FBXO7: variants seen among roughly 807,000 people sequenced by gnomAD.
The protein encoded by FBXO7 is F-box protein 7.
A neutral mutation model predicts 50.2 loss-of-function variants in FBXO7; 31 were observed. The ratio of observed to expected loss-of-function variants is 0.62; its 90% confidence interval spans 0.46 to 0.83. FBXO7 has a LOEUF of 0.83. FBXO7 is among the 40% of genes least tolerant of loss of function. The pLI, the probability that FBXO7 is intolerant of heterozygous loss-of-function variation, is 0.00. For missense variants in FBXO7, 667 were observed against 646.6 expected (o/e 1.03, Z -0.34); for synonymous variants, 256 against 253.1 (o/e 1.01, Z -0.11).
intron 2 of FBXO7, 118 bp downstream of exon 2, chr22:32,479,393 A>ATT (rs869156089): frequency 4.6e-6 from 4 of 861,438 alleles, no homozygotes; most frequent in African/African-American, 1.9e-5. Context: ...TTTTATATAT[A>ATT]TTTTTTTCTT....
chr22:32,475,589 T>G (rs1045866029), intron 1 of FBXO7: 1 of 735,470 alleles, frequency 1.4e-6, no homozygotes, highest in Admixed American at 3.8e-5. Flanking sequence ...TGGAAATTGC[T>G]AGAAGTTAAA....
intron 8 of FBXO7, among the ~76,000 whole-genome samples, chr22:32,496,256 G>A (rs1290738094): frequency 1.2e-4 from 18 of 152,244 alleles, no homozygotes; most frequent in Admixed American, 6.5e-4. Context: ...CGAAGTGGGC[G>A]GATCACCTGA....
chr22:32,496,019 G>C (rs779532571), intron 8 of FBXO7, among the ~76,000 whole-genome samples: 1 of 152,230 alleles, frequency 6.6e-6, no homozygotes, highest in Non-Finnish European at 1.5e-5. Context: ...GTGTAGGTGA[G>C]ACAGCTTTCT....
chr22:32,484,168 A>G (rs774173729), intron 3 of FBXO7, 44 bp downstream of exon 3: 1 of 1,528,358 alleles, frequency 6.5e-7, no homozygotes, highest in South Asian at 1.1e-5. Flanking sequence ...GATTGCTCAT[A>G]CATGTGGATG....
At chr22:32,497,332 C>T (rs2057581875) in intron 8 of FBXO7, among the ~76,000 whole-genome samples, 1 of 152,116 alleles carries the variant, frequency 6.6e-6, no homozygotes, top group Non-Finnish European at 1.5e-5. Context: ...CCTAAGTCCC[C>T]AAAGTCCATT....
In FBXO7 at chr22:32,491,577, ATGTC is replaced by A. The variant is rs1239485276; in HGVS notation, c.967+398_967+401del. ...TATATAGACATATATTTAGATATAT[ATGTC>A]TATATAGACATATATTTAGATATAT... On this transcript the variant is annotated intron_variant, in intron 6 of 8. Coordinates refer to ENST00000266087, the MANE Select transcript of FBXO7 (RefSeq NM_012179.4). The A allele has an allele frequency of 1.0e-4, 15 of 143,508 alleles. 1 individual carries two copies. In the East Asian group the frequency reaches 2.0e-3, roughly 19 times the overall value. 8.9% of individuals were successfully genotyped at this position (143,508 alleles called of 1,614,324 possible). A position where few individuals can be genotyped will look rare whatever the true frequency, so the allele number is the denominator to read the frequency against.
In FBXO7 at chr22:32,478,991, C is replaced by G; in HGVS notation, c.133C>G (p.Arg45Gly). 5 of 1,614,078 alleles carry G rather than the reference C, an allele frequency of 3.1e-6. No homozygotes were observed. Among genetic ancestry groups the G allele is most frequent in the Non-Finnish European group, 4.2e-6 (5 of 1,179,974 alleles). Reference protein sequence around the residue: ...LCTWGYSSNTRFTITLNYKDP... With the variant: ...LCTWGYSSNTGFTITLNYKDP... ...TGTCTTTCTTGGCAGTTCTAATACC[C>G]GATTTACAATTACATTGAACTACAA... is the stretch of plus-strand genomic sequence containing the variant. Residue 45 changes from arginine to glycine, a missense_variant, in exon 2 of 9, where the codon CGA becomes GGA. Physicochemically the swap from Arg to Gly is moderately radical, Grantham distance 125 (BLOSUM62 -2). Transcript: ENST00000266087.
In FBXO7 at chr22:32,479,215, A is replaced by G. The variant is rs1471843715; in HGVS notation, c.357A>G (p.Gln119=). 2 of 1,614,106 alleles carry G rather than the reference A, an allele frequency of 1.2e-6. No individual in the cohort carries two copies. The highest frequency in any genetic ancestry group is 2.2e-5 in the South Asian group (2 of 91,080). Residue 119 remains glutamine (Q), a synonymous_variant, in exon 2 of 9, where the codon CAA becomes CAG. Coordinates refer to ENST00000266087, the MANE Select transcript of FBXO7 (RefSeq NM_012179.4). The part of the protein sequence containing the change: ...SSNQTSMQDE[Q]PSDSFQGQAA... ...ATCAGACTAGCATGCAGGATGAACA[A>G]CCAAGTGATTCATTCCAAGGACAGG...
intron 6 of FBXO7, 61 bp downstream of exon 6, chr22:32,491,242 A>G (rs1457678102): frequency 4.0e-6 from 5 of 1,244,782 alleles, no homozygotes; most frequent in Non-Finnish European, 5.9e-6. Context: ...TATACTTAAT[A>G]TTCTTGGTGA....
chr22:32,478,892 A>G lies in FBXO7; in HGVS notation c.123-89A>G. On this transcript the variant is annotated intron_variant, in intron 1 of 8. Coordinates refer to ENST00000266087, the MANE Select transcript of FBXO7 (RefSeq NM_012179.4). The stretch of plus-strand genomic sequence containing the variant: ...TTCATCACTTAGTTCTTCTAGGGTC[A>G]TACTGTGTACTTATGTATGCTTCAG... The G allele has an allele frequency of 3.2e-6, 4 of 1,231,202 alleles. No individual in the cohort carries two copies. The South Asian group carries it at 3.6e-5, about 11-fold the overall frequency. 76.3% of individuals were successfully genotyped at this position (1,231,202 alleles called of 1,614,324 possible).
chr22:32,482,230 T>C (rs116147057), intron 2 of FBXO7, among the ~76,000 whole-genome samples: 1 of 152,328 alleles, frequency 6.6e-6, no homozygotes, highest in African/African-American at 2.4e-5. Context: ...TACCTCCTTT[T>C]TGGGTAATGT....
intron 2 of FBXO7, among the ~76,000 whole-genome samples, chr22:32,479,914 A>G: frequency 6.6e-6 from 1 of 152,106 alleles, no homozygotes; most frequent in South Asian, 2.1e-4. Flanking sequence ...TGGTCTAATT[A>G]TTTCCAGATG....
rs758854997 is a variant in FBXO7, at chr22:32,491,130, C to T, written c.916C>T (p.Arg306Cys). The part of the protein sequence containing the change: ...NIYKDLQKLS[R>C]LFKDQLVYPL... ...ATACAAAGATCTTCAGAAACTCTCT[C>T]GCCTCTTTAAAGACCAGCTGGTGTA... Residue 306 changes from arginine (R) to cysteine (C), a missense_variant, in exon 6 of 9, where the codon CGC becomes TGC. Transcript: ENST00000266087. 6 of 1,613,394 alleles carry T rather than the reference C, an allele frequency of 3.7e-6. No individual in the cohort carries two copies. Among genetic ancestry groups the T allele is most frequent in the South Asian group, 1.1e-5 (1 of 91,060 alleles).
rs73884932 is a variant in FBXO7 at position 32,494,992 on chromosome 22, C to T, written c.1145-501C>T. Reference sequence around the variant, plus strand: ...TAGTTATGGTCATGCTTCTGATAGCCGAGTCATTCAGGACATCGTTGGGAG... The same window carrying T: ...TAGTTATGGTCATGCTTCTGATAGCTGAGTCATTCAGGACATCGTTGGGAG... On this transcript the variant is annotated intron_variant, in intron 7 of 8. Transcript: ENST00000266087. Among the ~76,000 whole-genome samples the T allele has an allele frequency of 2.1e-3, 326 of 152,202 alleles. 1 individual carries two copies. The highest frequency in any genetic ancestry group is 7.2e-3 in the African/African-American group (300 of 41,526).
At chr22:32,496,475 CTG>C (rs56312860) in intron 8 of FBXO7, among the ~76,000 whole-genome samples, 5,010 of 152,098 alleles carry the variant, frequency 0.033, 106 homozygotes, top group South Asian at 0.089. Flanking sequence ...GTGTGAGACT[CTG>C]TCTCAAAAAA....
chr22:32,491,215 CTG>C (rs1393198576), intron 6 of FBXO7, 34 bp downstream of exon 6: 1 of 1,409,196 alleles, frequency 7.1e-7, no homozygotes, highest in African/African-American at 1.4e-5. Context: ...ATTTAAATGA[CTG>C]TAAAGAATAG....
chr22:32,486,177 A>G (rs887284969), intron 4 of FBXO7, among the ~76,000 whole-genome samples: 1 of 151,704 alleles, frequency 6.6e-6, no homozygotes, highest in Non-Finnish European at 1.5e-5. Context: ...GAGCAGCAAA[A>G]TGTTTATCTG....
chr22:32,496,247 G>A (rs981107252), intron 8 of FBXO7, among the ~76,000 whole-genome samples: 3 of 152,154 alleles, frequency 2.0e-5, no homozygotes, highest in Non-Finnish European at 4.4e-5. Flanking sequence ...TTGGGAGGCC[G>A]AAGTGGGCGG....
chr22:32,486,158 T>G (rs1416432293), intron 4 of FBXO7, among the ~76,000 whole-genome samples: 3 of 152,150 alleles, frequency 2.0e-5, no homozygotes, highest in Non-Finnish European at 4.4e-5. Context: ...CTATCACCAC[T>G]TAAACCTTGA....
Sources: allele counts gnomAD v4.1 joint callset (sites outside exome capture counted in the v4.1 genomes callset), GRCh38; gene constraint gnomAD v4.1.1; transcripts MANE v1.5; gene names NCBI Gene and HGNC (gene_info 2026-07-23, HGNC 2026-07-21).